Variants in MOB4 observed in about 807,000 individuals in gnomAD.
The protein encoded by MOB4 is MOB-like protein phocein.
In MOB4, 4 loss-of-function variants were observed where a neutral mutation model predicts 32.2. The observed-to-expected ratio is 0.12, with a 90% CI of 0.06 to 0.28. The LOEUF (loss-of-function observed/expected upper bound fraction) is 0.28. MOB4 is among the 10% of genes least tolerant of loss of function. MOB4 has a pLI of 1.00. For missense variants in MOB4, 158 were observed against 271.2 expected, an observed-to-expected ratio of 0.58 and a Z score of 2.93; for synonymous variants, 88 against 88.1, an observed-to-expected ratio of 1.00 and a Z score of 0.01.
Position 197,535,623 on chromosome 2 carries a change from C to T in MOB4, c.217C>T (p.His73Tyr). 6.2e-7 allele frequency: 1 copy of T among 1,609,388 alleles called. No homozygotes were observed. The highest frequency in any genetic ancestry group is 8.5e-7 in the Non-Finnish European group (1 of 1,178,964). The part of the protein sequence containing the change: ...GQDEGVWKYE[H>Y]LRQFCLELNG... Reference sequence around the variant, plus strand: ...AGATGAAGGTGTGTGGAAGTATGAACATTTAAGGTAGGACCTTACATCAAA... The same window carrying T: ...AGATGAAGGTGTGTGGAAGTATGAATATTTAAGGTAGGACCTTACATCAAA... The change falls in exon 3 of 8, where the codon CAT (histidine) becomes TAT (tyrosine). Residue 73 changes from histidine to tyrosine, a missense_variant. This residue lies in a region of MOB4 where 25 missense variants were observed against 70.9 expected (regional missense o/e 0.35). Transcript: ENST00000323303.
chr2:197,524,530 C>CAAAAA (rs58552334), intron 2 of MOB4, among the ~76,000 whole-genome samples: 16 of 108,826 alleles, frequency 1.5e-4, no homozygotes, highest in East Asian at 2.7e-4. Context: ...GACTCTGTCT[C>CAAAAA]AAAAAAAAAA....
chr2:197,541,585 G>A (rs1400238291), intron 5 of MOB4, among the ~76,000 whole-genome samples: 1 of 152,210 alleles, frequency 6.6e-6, no homozygotes, highest in African/African-American at 2.4e-5. Flanking sequence ...TTTCATTCAG[G>A]ATGTCACATT....
intron 1 of MOB4, among the ~76,000 whole-genome samples, chr2:197,518,498 G>A (rs1003579005): frequency 1.3e-5 from 2 of 150,898 alleles, no homozygotes; most frequent in South Asian, 4.2e-4. Flanking sequence ...CTGACCTCAG[G>A]TGATCTGCCC....
In MOB4 at chr2:197,551,360, A is replaced by G. The variant is rs2087094781; in HGVS notation, c.*714A>G. On this transcript the variant is annotated 3_prime_UTR_variant, in exon 8 of 8. Coordinates refer to ENST00000323303, the MANE Select transcript of MOB4 (RefSeq NM_015387.5). ...AAACCTGCCCTGTCCACCCCTTCTC[A>G]TTTCCCTTAACCTTATCTTCAAACT... The G allele has an allele frequency of 6.5e-6, 1 of 152,674 alleles. No individual in the cohort carries two copies. Among genetic ancestry groups the G allele is most frequent in the Admixed American group, 6.6e-5 (1 of 15,266 alleles). The allele number at this position is 152,674 out of a possible 1,614,324, so 9.5% of individuals were successfully genotyped here. A position where few individuals can be genotyped will look rare whatever the true frequency, so the allele number is the denominator to read the frequency against.
At chr2:197,542,579 T>G (rs1330801375) in intron 5 of MOB4, among the ~76,000 whole-genome samples, 1 of 152,190 alleles carries the variant, frequency 6.6e-6, no homozygotes, top group Non-Finnish European at 1.5e-5. Flanking sequence ...AGAGAGGCAT[T>G]CAGCATATAG....
At chr2:197,548,877 C>T (rs936451319) in intron 6 of MOB4, among the ~76,000 whole-genome samples, 2 of 151,988 alleles carry the variant, frequency 1.3e-5, no homozygotes, top group African/African-American at 4.8e-5. Flanking sequence ...TATATACTTG[C>T]TCACTTGAAT....
At chr2:197,528,616 C>CTTTTT (rs60927398) in intron 2 of MOB4, among the ~76,000 whole-genome samples, 33 of 131,646 alleles carry the variant, frequency 2.5e-4, no homozygotes, top group South Asian at 7.2e-4. Flanking sequence ...TTTTCTTTTT[C>CTTTTT]TTTTTTTTTT....
intron 5 of MOB4, among the ~76,000 whole-genome samples, chr2:197,547,083 C>T (rs1434855619): frequency 1.4e-5 from 2 of 146,548 alleles, no homozygotes; most frequent in Admixed American, 1.3e-4. Flanking sequence ...TTCTTTCTTT[C>T]TTTTTTTTAA....
chr2:197,519,793 C>G (rs2086482075), intron 1 of MOB4, among the ~76,000 whole-genome samples: 1 of 152,044 alleles, frequency 6.6e-6, no homozygotes, highest in Admixed American at 6.6e-5. Context: ...ATTCTGTAAA[C>G]TTCCTTAGTT....
At chr2:197,544,694 A>G (rs971642807) in intron 5 of MOB4, among the ~76,000 whole-genome samples, 1 of 151,886 alleles carries the variant, frequency 6.6e-6, no homozygotes, top group East Asian at 1.9e-4. Flanking sequence ...CGGAGCTTGC[A>G]CTGAGTGGAG....
At chr2:197,536,921 G>T (rs563782070) in intron 3 of MOB4, among the ~76,000 whole-genome samples, 4 of 151,032 alleles carry the variant, frequency 2.6e-5, no homozygotes, top group African/African-American at 9.7e-5. Flanking sequence ...CTTTGTTTCT[G>T]TAGAGATGGG....
chr2:197,522,993 G>A (rs1475104501), intron 1 of MOB4, among the ~76,000 whole-genome samples: 2 of 151,914 alleles, frequency 1.3e-5, no homozygotes, highest in South Asian at 2.1e-4. Flanking sequence ...CCAGCCTGGC[G>A]ACAGAGTGGT....
At chr2:197,531,323 C>T (rs1179390739) in intron 2 of MOB4, among the ~76,000 whole-genome samples, 1 of 151,936 alleles carries the variant, frequency 6.6e-6, no homozygotes, top group African/African-American at 2.4e-5. Flanking sequence ...GGATTACAGG[C>T]GTGAGCCACT....
intron 1 of MOB4, among the ~76,000 whole-genome samples, chr2:197,520,887 G>C (rs569989006): frequency 8.4e-6 from 1 of 118,708 alleles, no homozygotes; most frequent in Non-Finnish European, 1.6e-5. Context: ...GTGAGACCTC[G>C]TCTCTTAAAA....
chr2:197,520,754 C>A (rs1343813725), intron 1 of MOB4, among the ~76,000 whole-genome samples: 1 of 151,882 alleles, frequency 6.6e-6, no homozygotes, highest in African/African-American at 2.4e-5. Context: ...GGGCAAGATG[C>A]TCTATAAAAA....
rs374385112 is a variant in MOB4 at position 197,523,302 on chromosome 2, AGCCAG to A, written c.61-319_61-315del. Among the ~76,000 whole-genome samples, 8 of 152,326 alleles carry A rather than the reference AGCCAG, an allele frequency of 5.3e-5. 1 individual carries two copies. The East Asian group carries it at 1.5e-3, about 29-fold the overall frequency. On this transcript the variant is annotated intron_variant, in intron 1 of 7. Coordinates refer to ENST00000323303, the MANE Select transcript of MOB4 (RefSeq NM_015387.5). ...AATATTCATTTAAAAAACATTAAAC[AGCCAG>A]GCGCAGTGGGTCAGGACTATAATCC...
intron 1 of MOB4, among the ~76,000 whole-genome samples, chr2:197,519,028 G>A (rs2086468068): frequency 6.6e-6 from 1 of 152,080 alleles, no homozygotes; most frequent in Non-Finnish European, 1.5e-5. Flanking sequence ...AAAGTGCTGG[G>A]ATTACAGGCA....
intron 5 of MOB4, 77 bp from the exon 6 acceptor site, chr2:197,548,259 G>C: frequency 7.8e-7 from 1 of 1,275,166 alleles, no homozygotes; most frequent in Non-Finnish European, 1.1e-6. Context: ...TTGGAATAAG[G>C]TATACCCATA....
chr2:197,527,939 T>A (rs1046245769), intron 2 of MOB4, among the ~76,000 whole-genome samples: 2 of 152,224 alleles, frequency 1.3e-5, no homozygotes, highest in African/African-American at 4.8e-5. Context: ...TGTTGTTGTT[T>A]TTTTAAAAAT....
Sources: gnomAD v4.1 joint callset for allele counts (sites outside exome capture counted in the v4.1 genomes callset) on GRCh38, gnomAD v4.1.1 for gene constraint, gnomAD v4.1.1 regional missense constraint, MANE v1.5 for transcripts, NCBI Gene and HGNC (gene_info 2026-07-23, HGNC 2026-07-21) for gene names.